The following ARB2A variants were observed in gnomAD, a reference collection of about 807,000 sequenced individuals.
ARB2A encodes cotranscriptional regulator ARB2A.
the ARB2A span, among the ~76,000 whole-genome samples, chr5:93,690,533 A>C: frequency 1.3e-5 from 2 of 152,144 alleles, no homozygotes; most frequent in Non-Finnish European, 2.9e-5. Context: ...GGCATCTCTG[A>C]AAGAAAGGCA....
At chr5:93,934,473 A>C in the ARB2A span, among the ~76,000 whole-genome samples, 134 of 152,264 alleles carry the variant, frequency 8.8e-4, no homozygotes, top group African/African-American at 3.2e-3. Context: ...AAGTGAAGGA[A>C]TGACCCTATT....
At chr5:93,781,434 C>G in the ARB2A span, among the ~76,000 whole-genome samples, 1 of 152,040 alleles carries the variant, frequency 6.6e-6, no homozygotes, top group Admixed American at 6.6e-5. Flanking sequence ...TCCAGTCATC[C>G]TTTGATGGAT....
At chr5:94,095,137 A>C in the ARB2A span, among the ~76,000 whole-genome samples, 1 of 152,182 alleles carries the variant, frequency 6.6e-6, no homozygotes, top group Non-Finnish European at 1.5e-5. Context: ...GGTTGAGGTC[A>C]GCCTCCAGGT....
At chr5:93,867,015 T>G in the ARB2A span, among the ~76,000 whole-genome samples, 2 of 152,180 alleles carry the variant, frequency 1.3e-5, no homozygotes, top group Non-Finnish European at 2.9e-5. Context: ...TGCTAAAAAT[T>G]TAGAATAGCA....
chr5:94,061,894 T>C, the ARB2A span, among the ~76,000 whole-genome samples: 4 of 152,188 alleles, frequency 2.6e-5, no homozygotes, highest in Admixed American at 2.0e-4. Context: ...ACAATTCCTA[T>C]CAAAATTGCA....
the ARB2A span, among the ~76,000 whole-genome samples, chr5:93,798,111 C>A: frequency 6.6e-6 from 1 of 152,046 alleles, no homozygotes; most frequent in Non-Finnish European, 1.5e-5. Flanking sequence ...GAAGACTATG[C>A]ATAGGAATGA....
chr5:94,034,273 A>G, the ARB2A span, among the ~76,000 whole-genome samples: 2 of 152,230 alleles, frequency 1.3e-5, no homozygotes, highest in Admixed American at 1.3e-4. Context: ...GTCCCTTCAC[A>G]GCTGTACTTA....
At chr5:93,684,897 C>T in the ARB2A span, among the ~76,000 whole-genome samples, 4 of 152,130 alleles carry the variant, frequency 2.6e-5, no homozygotes, top group Non-Finnish European at 5.9e-5. Flanking sequence ...CTTAACAAAC[C>T]AGTTTGTAGC....
chr5:93,970,957 T>C, the ARB2A span, among the ~76,000 whole-genome samples: 1 of 152,120 alleles, frequency 6.6e-6, no homozygotes, highest in Admixed American at 6.5e-5. Context: ...TTATAAGCTC[T>C]TACTATATTG....
At chr5:93,871,201 C>T in the ARB2A span, among the ~76,000 whole-genome samples, 2 of 152,098 alleles carry the variant, frequency 1.3e-5, no homozygotes, top group African/African-American at 2.4e-5. Flanking sequence ...TAAAGCTTTT[C>T]TGATGATACT....
At chr5:93,623,555 A>G in the ARB2A span, among the ~76,000 whole-genome samples, 1 of 152,200 alleles carries the variant, frequency 6.6e-6, no homozygotes, top group Admixed American at 6.5e-5. Flanking sequence ...CCCTGGTGAT[A>G]AAATCACTAC....
chr5:93,859,580 G>T, the ARB2A span, among the ~76,000 whole-genome samples: 1 of 152,158 alleles, frequency 6.6e-6, no homozygotes, highest in South Asian at 2.1e-4. Context: ...GTGGAAGAGT[G>T]ACTTGCAATA....
the ARB2A span, among the ~76,000 whole-genome samples, chr5:93,884,908 A>G: frequency 6.6e-6 from 1 of 151,584 alleles, no homozygotes; most frequent in Admixed American, 6.6e-5. Flanking sequence ...ACAGATATAT[A>G]GTAAAACTTA....
the ARB2A span, among the ~76,000 whole-genome samples, chr5:93,641,186 G>A: frequency 6.6e-6 from 1 of 150,448 alleles, no homozygotes; most frequent in Non-Finnish European, 1.5e-5. Context: ...GGTGACAGAG[G>A]GAGATTCTGA....
the ARB2A span, among the ~76,000 whole-genome samples, chr5:93,682,458 TGAAA>T: frequency 3.3e-5 from 5 of 151,900 alleles, no homozygotes; most frequent in Non-Finnish European, 4.4e-5. Context: ...TTCTAGTAAC[TGAAA>T]GAAAGGAACA....
the ARB2A span, among the ~76,000 whole-genome samples, chr5:94,073,849 T>C: frequency 6.6e-6 from 1 of 152,146 alleles, no homozygotes; most frequent in Non-Finnish European, 1.5e-5. Context: ...TCATTTCTAT[T>C]TATTGAAACA....
chr5:93,866,245 A>T, the ARB2A span: 1 of 984,930 alleles, frequency 1.0e-6, no homozygotes, highest in Non-Finnish European at 1.2e-6. Context: ...AATAAAGAAC[A>T]TTAGAAGTGA....
the ARB2A span, among the ~76,000 whole-genome samples, chr5:93,977,387 C>A: frequency 6.6e-6 from 1 of 152,008 alleles, no homozygotes. Context: ...CTACAGTAAA[C>A]AAAACAGCAT....
chr5:93,727,337 T>G, the ARB2A span, among the ~76,000 whole-genome samples: 1 of 152,050 alleles, frequency 6.6e-6, no homozygotes, highest in Non-Finnish European at 1.5e-5. Context: ...GAAAAGCATT[T>G]ACTAACCCTT....
Sources: allele counts gnomAD v4.1 joint callset (sites outside exome capture counted in the v4.1 genomes callset), GRCh38; gene constraint gnomAD v4.1.1; transcripts MANE v1.5; gene names NCBI Gene and HGNC (gene_info 2026-07-23, HGNC 2026-07-21).